Variants in DLG2 observed in about 807,000 individuals in gnomAD.
DLG2 encodes discs large MAGUK scaffold protein 2.
Under a neutral mutation model 132.5 loss-of-function variants are expected in DLG2, and 45 were observed. The ratio of observed to expected loss-of-function variants is 0.34; its 90% confidence interval spans 0.27 to 0.44. The LOEUF (loss-of-function observed/expected upper bound fraction) is 0.44, where lower values mean the gene tolerates loss of function less well. Ranked by LOEUF, DLG2 falls within the 20% of genes least tolerant of loss-of-function variation. The pLI is 1.00. For missense variants in DLG2, 1,045 were observed against 1,196.9 expected (o/e 0.87, Z 1.87); for synonymous variants, 424 against 419.6 (o/e 1.01, Z -0.13).
intron 6 of DLG2, among the ~76,000 whole-genome samples, chr11:84,889,219 T>C (rs1026772947): frequency 2.6e-5 from 4 of 152,098 alleles, no homozygotes; most frequent in Admixed American, 2.0e-4. Flanking sequence ...TATAGTTACT[T>C]AAAAGGGCAA....
At chr11:85,568,623 CT>C (rs1438257017) in intron 3 of DLG2, among the ~76,000 whole-genome samples, 2 of 152,086 alleles carry the variant, frequency 1.3e-5, no homozygotes, top group Admixed American at 6.6e-5. Context: ...CAAATATTTC[CT>C]TTTTATTCAG....
chr11:84,262,721 C>T (rs868261181), intron 7 of DLG2, among the ~76,000 whole-genome samples: 1 of 152,112 alleles, frequency 6.6e-6, no homozygotes, highest in African/African-American at 2.4e-5. Context: ...CTGCAACATT[C>T]TTAGGCCTTT....
At chr11:85,564,547 T>C (rs1028602070) in intron 3 of DLG2, among the ~76,000 whole-genome samples, 15 of 152,016 alleles carry the variant, frequency 9.9e-5, no homozygotes, top group Admixed American at 9.2e-4. Flanking sequence ...TTTGCCACTT[T>C]TGTCAAAAAT....
intron 3 of DLG2, among the ~76,000 whole-genome samples, chr11:85,406,058 G>A (rs1176940253): frequency 6.6e-6 from 1 of 151,908 alleles, no homozygotes; most frequent in Non-Finnish European, 1.5e-5. Flanking sequence ...TACCTCTTAT[G>A]TCATAGTGAG....
At chr11:85,354,270 A>T (rs1359198011) in intron 3 of DLG2, among the ~76,000 whole-genome samples, 1 of 152,188 alleles carries the variant, frequency 6.6e-6, no homozygotes. Flanking sequence ...ATTGATATAA[A>T]TTAAAACTAA....
At chr11:85,549,913 G>C (rs1318596098) in intron 3 of DLG2, among the ~76,000 whole-genome samples, 2 of 152,176 alleles carry the variant, frequency 1.3e-5, no homozygotes, top group East Asian at 3.9e-4. Flanking sequence ...CCTCAGTTCT[G>C]GGAATTGCCC....
At chr11:84,562,884 T>C (rs570910024) in intron 6 of DLG2, among the ~76,000 whole-genome samples, 37 of 152,052 alleles carry the variant, frequency 2.4e-4, no homozygotes, top group African/African-American at 8.9e-4. Context: ...TCCAAAATAG[T>C]TGGGACTACA....
intron 6 of DLG2, among the ~76,000 whole-genome samples, chr11:84,772,816 C>T (rs1597766717): frequency 1.3e-5 from 2 of 152,170 alleles, no homozygotes; most frequent in East Asian, 1.9e-4. Context: ...GGAAAGTTTA[C>T]AGTACTAAAG....
At chr11:85,229,501 A>G (rs2075173496) in intron 4 of DLG2, among the ~76,000 whole-genome samples, 1 of 152,128 alleles carries the variant, frequency 6.6e-6, no homozygotes, top group Non-Finnish European at 1.5e-5. Context: ...CAGATTCTGG[A>G]GAGGATGTGG....
At chr11:84,633,886 A>C (rs2099636289) in intron 6 of DLG2, among the ~76,000 whole-genome samples, 1 of 152,176 alleles carries the variant, frequency 6.6e-6, no homozygotes, top group African/African-American at 2.4e-5. Context: ...CTGTAACAAG[A>C]AAATCATTAT....
intron 6 of DLG2, among the ~76,000 whole-genome samples, chr11:84,747,182 T>C (rs2065486459): frequency 6.6e-6 from 1 of 152,200 alleles, no homozygotes; most frequent in Non-Finnish European, 1.5e-5. Context: ...AAATGAATGA[T>C]GAATAGGCAA....
chr11:84,023,439 GA>G (rs1442103608), intron 11 of DLG2, among the ~76,000 whole-genome samples: 7 of 152,056 alleles, frequency 4.6e-5, no homozygotes, highest in Non-Finnish European at 1.0e-4. Context: ...AATATTTAAA[GA>G]CATCACCTGA....
intron 7 of DLG2, among the ~76,000 whole-genome samples, chr11:84,422,732 A>G (rs2098954852): frequency 6.6e-6 from 1 of 152,178 alleles, no homozygotes; most frequent in Non-Finnish European, 1.5e-5. Flanking sequence ...TTAATTTACT[A>G]GTTATATTAC....
chr11:85,623,446 A>C (rs931212716), intron 2 of DLG2, among the ~76,000 whole-genome samples: 1 of 152,038 alleles, frequency 6.6e-6, no homozygotes, highest in Non-Finnish European at 1.5e-5. Flanking sequence ...CTGGGATTAC[A>C]GGCACGCACC....
intron 3 of DLG2, among the ~76,000 whole-genome samples, chr11:85,422,537 A>T (rs76139133): frequency 5.6e-4 from 81 of 144,744 alleles, no homozygotes; most frequent in Admixed American, 1.0e-3. Flanking sequence ...TGAAGTTTTT[A>T]TTTTTTTTGG....
intron 7 of DLG2, among the ~76,000 whole-genome samples, chr11:84,352,260 C>T (rs191742811): frequency 6.6e-6 from 1 of 152,286 alleles, no homozygotes; most frequent in East Asian, 1.9e-4. Flanking sequence ...AGCTCTACCA[C>T]ATTCTGGCTC....
At chr11:84,783,297 TTAAA>T (rs1269059431) in intron 6 of DLG2, among the ~76,000 whole-genome samples, 3 of 152,168 alleles carry the variant, frequency 2.0e-5, no homozygotes, top group Non-Finnish European at 2.9e-5. Context: ...TTCTCAACAC[TTAAA>T]TAAAGTATTT....
intron 7 of DLG2, among the ~76,000 whole-genome samples, chr11:84,531,041 G>C (rs1036846323): frequency 1.6e-4 from 24 of 152,218 alleles, no homozygotes; most frequent in African/African-American, 5.8e-4. Context: ...ACTTGAACCT[G>C]GGAGGTAGAG....
In DLG2 at chr11:84,534,604, C is replaced by A; in HGVS notation, c.485G>T (p.Gly162Val). ...KNLSQIENVH[G>V]YVLQSHISPL... ...AGAAATATGAGACTGCAAGACATAT[C>A]CATGGACATTTTCTATTTGAGAGAG... The change falls in exon 7 of 28, where the codon GGA becomes GTA. Residue 162 changes from glycine (G) to valine (V), a missense_variant. This residue lies in a region of DLG2 where 277 missense variants were observed against 238.2 expected (regional missense o/e 1.16). Coordinates refer to ENST00000376104, the MANE Select transcript of DLG2 (RefSeq NM_001142699.3). 1 of 1,614,014 alleles carries A rather than the reference C, an allele frequency of 6.2e-7. No individual in the cohort carries two copies. Among genetic ancestry groups the A allele is most frequent in the African/African-American group, 1.3e-5 (1 of 75,000 alleles).
Sources: gnomAD v4.1 joint callset for allele counts (sites outside exome capture counted in the v4.1 genomes callset) on GRCh38, gnomAD v4.1.1 for gene constraint, gnomAD v4.1.1 regional missense constraint, MANE v1.5 for transcripts, NCBI Gene and HGNC (gene_info 2026-07-23, HGNC 2026-07-21) for gene names.